The following TRIOBP variants were observed in gnomAD, a reference collection of about 807,000 sequenced individuals.
The protein encoded by TRIOBP is TRIO and F-actin-binding protein.
A neutral mutation model predicts 238.8 loss-of-function variants in TRIOBP; 169 were observed. That is an observed-to-expected ratio of 0.71 (90% CI 0.62 to 0.80). The LOEUF is 0.80. TRIOBP is among the 30% of genes least tolerant of loss of function. TRIOBP has a pLI of 0.00. For missense variants in TRIOBP, 2,838 were observed against 3,122.6 expected, an observed-to-expected ratio of 0.91 and a Z score of 2.17; for synonymous variants, 1,150 against 1,274.4, an observed-to-expected ratio of 0.90 and a Z score of 2.08.
At chr22:37,710,398 G>A in intron 3 of TRIOBP, 29 bp from the exon 4 acceptor site, 1 of 1,612,234 alleles carries the variant, frequency 6.2e-7, no homozygotes, top group South Asian at 1.1e-5. Context: ...TGGGCGCTGA[G>A]CTGTCTCCTC....
chr22:37,758,218 T>C, intron 16 of TRIOBP, 80 bp downstream of exon 16: 2 of 1,556,930 alleles, frequency 1.3e-6, no homozygotes, highest in African/African-American at 1.4e-5. Context: ...CTGGCATTTG[T>C]CTTGCACTCC....
At chr22:37,765,632 AC>A in intron 17 of TRIOBP, 37 bp from the exon 18 acceptor site, 1 of 1,548,062 alleles carries the variant, frequency 6.5e-7, no homozygotes, top group Non-Finnish European at 8.7e-7. Flanking sequence ...GTCCAGAGGA[AC>A]GGGGCAGCCT....
Position 37,725,541 on chromosome 22 carries a change from G to A in TRIOBP, c.2985G>A (p.Val995=), listed in dbSNP as rs1924093023. ...GCACCTCCCGAACTTCCTCACCTGT[G>A]TACCCCGCTGCCTATGGGGCTCCCC... ...HQSTSRTSSP[V]YPAAYGAPLT... is the part of the protein sequence containing the mutation. The change falls in exon 7 of 24, where the codon GTG becomes GTA. Residue 995 remains valine (V), a synonymous_variant. Transcript: ENST00000644935. 2 of 1,613,508 alleles carry A rather than the reference G, an allele frequency of 1.2e-6. No individual in the cohort carries two copies. Among genetic ancestry groups the A allele is most frequent in the Non-Finnish European group, 1.7e-6 (2 of 1,179,964 alleles).
At chr22:37,741,835 ATCTG>A (rs1399149296) in intron 11 of TRIOBP, among the ~76,000 whole-genome samples, 3 of 152,194 alleles carry the variant, frequency 2.0e-5, no homozygotes, top group African/African-American at 4.8e-5. Flanking sequence ...CGGTTGCCAC[ATCTG>A]TCTATTAGGA....
chr22:37,723,291 C>G lies in TRIOBP; in HGVS notation c.735C>G (p.Ser245=), dbSNP rs749053165. Residue 245 remains serine, a synonymous_variant, in exon 7 of 24, where the codon TCC becomes TCG. Coordinates refer to ENST00000644935, the MANE Select transcript of TRIOBP (RefSeq NM_001039141.3). ...RHRSTLTQAS[S]MTPHSGPRST... Reference sequence around the variant, plus strand: ...GGTCAACACTGACCCAGGCTTCCTCCATGACACCACACAGTGGACCTCGAA... The same window carrying G: ...GGTCAACACTGACCCAGGCTTCCTCGATGACACCACACAGTGGACCTCGAA... 3.1e-6 allele frequency: 5 copies of G among 1,614,004 alleles called. No homozygotes were observed. The highest frequency in any genetic ancestry group is 3.4e-6 in the Non-Finnish European group (4 of 1,180,000).
intron 9 of TRIOBP, 52 bp downstream of exon 9, chr22:37,735,494 G>A: frequency 6.5e-7 from 1 of 1,536,532 alleles, no homozygotes; most frequent in South Asian, 1.2e-5. Context: ...GCCCCACTCA[G>A]CCAAGTCTCC....
intron 2 of TRIOBP, among the ~76,000 whole-genome samples, chr22:37,699,346 G>C (rs1227285601): frequency 6.6e-6 from 1 of 151,980 alleles, no homozygotes; most frequent in African/African-American, 2.4e-5. Flanking sequence ...GTATGATCCA[G>C]TGCTCCTCAC....
chr22:37,705,556 T>C (rs1490306885), intron 3 of TRIOBP, among the ~76,000 whole-genome samples: 1 of 151,748 alleles, frequency 6.6e-6, no homozygotes, highest in African/African-American at 2.4e-5. Context: ...GGACTTAGGA[T>C]TCTGAGGTTT....
At chr22:37,737,390 A>G (rs1161495011) in intron 9 of TRIOBP, among the ~76,000 whole-genome samples, 1 of 151,972 alleles carries the variant, frequency 6.6e-6, no homozygotes, top group Non-Finnish European at 1.5e-5. Flanking sequence ...AGCTGGGTGC[A>G]GTGGCTCACA....
intron 17 of TRIOBP, among the ~76,000 whole-genome samples, chr22:37,764,787 A>C (rs58765732): frequency 0.25 from 38,213 of 152,128 alleles, 5,731 homozygotes; most frequent in South Asian, 0.41. Flanking sequence ...CAGCTCATTT[A>C]CTGAGCACCT....
Position 37,751,845 on chromosome 22 carries a change from C to T in TRIOBP, c.5379+17C>T, listed in dbSNP as rs562884684. 55 of 1,442,730 alleles carry T rather than the reference C, an allele frequency of 3.8e-5. No individual in the cohort carries two copies. The Admixed American group carries it at 4.4e-4, about 12-fold the overall frequency. 89.4% of individuals were successfully genotyped at this position (1,442,730 alleles called of 1,614,324 possible). On this transcript the variant is annotated intron_variant, in intron 12 of 23. Transcript: ENST00000644935. ...CCTGGAGAGGTAAGAGGACTGAGGC[C>T]GGAGGGGAGGAAGCTGGCTTGTGCT...
intron 10 of TRIOBP, 135 bp from the exon 11 acceptor site, chr22:37,740,760 C>T: frequency 1.5e-6 from 2 of 1,326,068 alleles, no homozygotes; most frequent in Non-Finnish European, 2.1e-6. Context: ...CTCGGCAGTT[C>T]TGGGAGGAGA....
intron 17 of TRIOBP, among the ~76,000 whole-genome samples, chr22:37,762,326 A>T (rs1378741275): frequency 1.3e-5 from 2 of 152,182 alleles, no homozygotes; most frequent in African/African-American, 4.8e-5. Context: ...TTGGCCTCCC[A>T]AAGTGCTGGG....
chr22:37,757,309 A>G (rs930638020), intron 15 of TRIOBP, among the ~76,000 whole-genome samples: 10 of 152,158 alleles, frequency 6.6e-5, no homozygotes, highest in Admixed American at 1.3e-4. Context: ...GCTGCAGTGA[A>G]CTATGATCAC....
chr22:37,715,558 T>C (rs919122111), intron 5 of TRIOBP, among the ~76,000 whole-genome samples: 1 of 151,372 alleles, frequency 6.6e-6, no homozygotes, highest in Non-Finnish European at 1.5e-5. Context: ...TTTCCCAGGA[T>C]GGTCTCGATC....
intron 15 of TRIOBP, among the ~76,000 whole-genome samples, chr22:37,757,086 G>T (rs1473577191): frequency 1.3e-5 from 2 of 152,214 alleles, no homozygotes; most frequent in Non-Finnish European, 2.9e-5. Context: ...AAAGAGACCA[G>T]TGTGGTGGTT....
chr22:37,700,136 C>G (rs1486917583), intron 2 of TRIOBP, among the ~76,000 whole-genome samples: 2 of 152,174 alleles, frequency 1.3e-5, no homozygotes, highest in African/African-American at 4.8e-5. Flanking sequence ...CTCAGCCTCC[C>G]AAAGTGCTGG....
At position 37,772,703 on chromosome 22, in the gene TRIOBP, C is replaced by T. The variant is rs369681704; in HGVS notation, c.7039C>T (p.Arg2347Cys). 1 of 1,614,092 alleles carries T rather than the reference C, an allele frequency of 6.2e-7. No individual in the cohort carries two copies. Among genetic ancestry groups the T allele is most frequent in the African/African-American group, 1.3e-5 (1 of 75,054 alleles). Residue 2347 changes from arginine (R) to cysteine (C), a missense_variant, in exon 23 of 24, where the codon CGT becomes TGT. Transcript: ENST00000644935. ...REIEQLKEHLRLAMAALQEKE... is the reference protein window; with the variant it reads ...REIEQLKEHLCLAMAALQEKE... Reference sequence around the variant, plus strand: ...GATCGAGCAGCTGAAGGAGCACCTGCGTCTTGCCATGGCCGCCCTCCAGGA... The same window carrying T: ...GATCGAGCAGCTGAAGGAGCACCTGTGTCTTGCCATGGCCGCCCTCCAGGA...
intron 15 of TRIOBP, 95 bp downstream of exon 15, chr22:37,755,754 T>C: frequency 1.0e-6 from 1 of 999,102 alleles, no homozygotes; most frequent in Non-Finnish European, 1.6e-6. Flanking sequence ...TGCACCTTTC[T>C]GGGCCCTCGT....
Sources: gnomAD v4.1 joint callset for allele counts (sites outside exome capture counted in the v4.1 genomes callset) on GRCh38, gnomAD v4.1.1 for gene constraint, MANE v1.5 for transcripts, NCBI Gene and HGNC (gene_info 2026-07-23, HGNC 2026-07-21) for gene names.